Variants in PCDH7 observed in about 807,000 individuals in gnomAD.
PCDH7 encodes protocadherin-7.
In PCDH7, 17 loss-of-function variants were observed where a neutral mutation model predicts 58.9. The ratio of observed to expected loss-of-function variants is 0.29; its 90% CI spans 0.20 to 0.43. The LOEUF (loss-of-function observed/expected upper bound fraction) is 0.43, where lower values mean the gene tolerates loss of function less well. Among genes scored for constraint, PCDH7 ranks in the 20% least tolerant of loss-of-function variants. The pLI is 1.00. For synonymous variants in PCDH7, 664 were observed against 616.4 expected (o/e 1.08, Z -1.14); for missense variants, 1,274 against 1,441.0 (o/e 0.88, Z 1.88).
chr4:30,735,102 T>C (rs13111136), downstream of PCDH7, among the ~76,000 whole-genome samples: 77,252 of 151,722 alleles, frequency 0.51, 20,001 homozygotes, highest in East Asian at 0.6. Context: ...GACGCACTGG[T>C]CGTACAGTAC....
Position 30,721,554 on chromosome 4 carries a change from C to T in PCDH7, c.132C>T (p.Ala44=). ...ACCGGCTGGCCGAGGAGGGCCCCGCCGACGTCCGCATCGGCAACGTGGCTT... is the reference window on the plus strand; with the variant it reads ...ACCGGCTGGCCGAGGAGGGCCCCGCTGACGTCCGCATCGGCAACGTGGCTT... Residue 44 remains alanine, a synonymous_variant, in exon 1 of 2, where the codon GCC becomes GCT. Transcript: ENST00000361762. The surrounding 1 kb of genome is among the most constrained non-coding windows in gnomAD (Gnocchi z 6.7). 1 of 1,604,228 alleles carries T rather than the reference C, an allele frequency of 6.2e-7. No individual in the cohort carries two copies. The highest frequency in any genetic ancestry group is 8.5e-7 in the Non-Finnish European group (1 of 1,179,834).
intron 1 of PCDH7, among the ~76,000 whole-genome samples, chr4:30,740,093 C>T (rs144621570): frequency 3.3e-5 from 5 of 152,138 alleles, no homozygotes; most frequent in African/African-American, 1.2e-4. Flanking sequence ...AAGTAACTTG[C>T]TCATGGTCAC....
chr4:31,005,457 G>T (rs879710758), intron 3 of PCDH7, among the ~76,000 whole-genome samples: 2 of 152,118 alleles, frequency 1.3e-5, no homozygotes, highest in African/African-American at 2.4e-5. Flanking sequence ...GGGATCAACA[G>T]ATCAGCTGGA....
At chr4:30,779,744 A>G (rs1722549414) in intron 1 of PCDH7, among the ~76,000 whole-genome samples, 2 of 152,158 alleles carry the variant, frequency 1.3e-5, no homozygotes, top group South Asian at 4.1e-4. Flanking sequence ...TCAAACTGTT[A>G]GTGGGTTTAT....
intron 3 of PCDH7, among the ~76,000 whole-genome samples, chr4:30,998,522 T>C (rs1227294269): frequency 1.3e-5 from 2 of 152,094 alleles, no homozygotes; most frequent in Non-Finnish European, 2.9e-5. Flanking sequence ...CAAAATCTGG[T>C]TCTCAGATCA....
rs896157576 is a variant in PCDH7 at position 30,957,422 on chromosome 4, T to C, written c.*7+7207T>C. The stretch of plus-strand genomic sequence containing the variant: ...TATAATAGCAACATAAGCCAGTGTG[T>C]TCAAATAATGAAGAAGATGCAGGAA... On this transcript the variant is annotated intron_variant, in intron 3 of 3. Transcript: ENST00000509759. 2.0e-5 allele frequency among the ~76,000 whole-genome samples: 3 copies of C among 152,296 alleles called. No homozygotes were observed. The East Asian group carries it at 5.8e-4, about 29-fold the overall frequency.
chr4:30,773,503 C>CT (rs1721683500), intron 1 of PCDH7, among the ~76,000 whole-genome samples: 2 of 144,482 alleles, frequency 1.4e-5, no homozygotes, highest in Non-Finnish European at 3.1e-5. Flanking sequence ...TTTTCTTTTT[C>CT]TTTTTTGGGA....
chr4:30,937,693 T>C (rs1217407690), intron 2 of PCDH7, among the ~76,000 whole-genome samples: 1 of 152,106 alleles, frequency 6.6e-6, no homozygotes, highest in East Asian at 1.9e-4. Flanking sequence ...TTAAATCTTT[T>C]TATGTTCAGG....
intron 1 of PCDH7, among the ~76,000 whole-genome samples, chr4:30,835,144 C>A (rs998761944): frequency 6.6e-6 from 1 of 151,976 alleles, no homozygotes; most frequent in African/African-American, 2.4e-5. Context: ...AGGGAAAATT[C>A]GTAATAATTG....
intron 3 of PCDH7, among the ~76,000 whole-genome samples, chr4:31,032,040 A>C (rs1754967466): frequency 6.6e-6 from 1 of 152,216 alleles, no homozygotes; most frequent in Admixed American, 6.5e-5. Flanking sequence ...TTTTATTTTC[A>C]ATTAACTTGT....
chr4:31,130,587 A>C (rs565117239), intron 3 of PCDH7, among the ~76,000 whole-genome samples: 29 of 152,286 alleles, frequency 1.9e-4, no homozygotes, highest in Admixed American at 5.2e-4. Flanking sequence ...AGGCAATGAA[A>C]ATTTATTTAA....
chr4:30,961,595 C>T (rs1365340251), intron 3 of PCDH7, among the ~76,000 whole-genome samples: 5 of 152,000 alleles, frequency 3.3e-5, no homozygotes, highest in Admixed American at 6.6e-5. Context: ...GGCACCTAGT[C>T]ATAGTTTGAT....
intron 3 of PCDH7, among the ~76,000 whole-genome samples, chr4:31,116,398 A>G (rs1288614025): frequency 6.6e-6 from 1 of 152,216 alleles, no homozygotes; most frequent in Non-Finnish European, 1.5e-5. Context: ...GTAACATAAC[A>G]CTATGAAAGC....
At chr4:30,938,981 G>A (rs539990476) in intron 2 of PCDH7, among the ~76,000 whole-genome samples, 1 of 151,998 alleles carries the variant, frequency 6.6e-6, no homozygotes, top group Non-Finnish European at 1.5e-5. Context: ...ATATATTTTA[G>A]AGTATTTCAA....
intron 3 of PCDH7, among the ~76,000 whole-genome samples, chr4:30,975,747 A>G (rs1261930584): frequency 2.6e-5 from 4 of 152,180 alleles, no homozygotes; most frequent in South Asian, 2.1e-4. Context: ...TGAAAGTTCA[A>G]TTATTTCAAA....
At chr4:30,986,791 G>A (rs1002796681) in intron 3 of PCDH7, among the ~76,000 whole-genome samples, 1 of 151,976 alleles carries the variant, frequency 6.6e-6, no homozygotes, top group Non-Finnish European at 1.5e-5. Context: ...GACGATCCTG[G>A]TCAACATGGT....
intron 3 of PCDH7, among the ~76,000 whole-genome samples, chr4:30,992,972 T>C (rs1751583601): frequency 6.6e-6 from 1 of 152,012 alleles, no homozygotes; most frequent in South Asian, 2.1e-4. Context: ...CTAATTTTTG[T>C]ATTTTCAGTA....
chr4:30,906,158 T>C (rs918423640), intron 1 of PCDH7, among the ~76,000 whole-genome samples: 5 of 152,186 alleles, frequency 3.3e-5, no homozygotes, highest in African/African-American at 1.2e-4. Context: ...GGCAGTATGC[T>C]AAGGAATTTC....
chr4:31,064,261 G>A (rs761160732), intron 3 of PCDH7, among the ~76,000 whole-genome samples: 1 of 151,848 alleles, frequency 6.6e-6, no homozygotes, highest in Non-Finnish European at 1.5e-5. Flanking sequence ...GAAACAACAC[G>A]CAGGAGAAAA....
Sources: gnomAD v4.1 joint callset for allele counts (sites outside exome capture counted in the v4.1 genomes callset) on GRCh38, gnomAD v4.1.1 for gene constraint, Gnocchi (gnomAD v3.1) non-coding constraint, MANE v1.5 for transcripts, NCBI Gene and HGNC (gene_info 2026-07-23, HGNC 2026-07-21) for gene names.